CDYL: variants seen among roughly 807,000 people sequenced by gnomAD.
CDYL encodes chromodomain Y like.
CDYL carries 8 observed loss-of-function variants against 47.3 expected under a neutral mutation model. The observed-to-expected ratio is 0.17, with a 90% CI of 0.10 to 0.31. CDYL has a LOEUF of 0.31. Among genes scored for constraint, CDYL ranks in the 10% least tolerant of loss-of-function variants. The probability of loss-of-function intolerance (pLI) is 1.00; values close to 1 mark genes in which losing one functional copy is unlikely to be tolerated. For missense variants in CDYL, 471 were observed against 701.4 expected (o/e 0.67, Z 3.71); for synonymous variants, 266 against 265.0 (o/e 1.00, Z -0.04).
intron 1 of CDYL, among the ~76,000 whole-genome samples, chr6:4,707,839 T>C (rs1006171777): frequency 6.6e-6 from 1 of 152,236 alleles, no homozygotes; most frequent in African/African-American, 2.4e-5. Flanking sequence ...TTTAAGACTA[T>C]AAATTTGCCT....
Position 4,952,380 on chromosome 6 carries a change from A to G in CDYL, c.1447A>G (p.Ile483Val), listed in dbSNP as rs760000830. ...GTTCACTCAGGAAGTGATGGTTCGC[A>G]TTAAGGAGCTTGCCTCGTGCAATCC... The part of the protein sequence containing the change: ...GTFTQEVMVR[I>V]KELASCNPVV... The change falls in exon 6 of 7, where the codon ATT (isoleucine) becomes GTT (valine). Residue 483 changes from isoleucine to valine, a missense_variant. By Grantham distance (29) the Ile-to-Val change is conservative. This residue lies in a region of CDYL where 103 missense variants were observed against 277.1 expected (regional missense o/e 0.37). Coordinates refer to ENST00000397588, the MANE Select transcript of CDYL (RefSeq NM_004824.4). 4 of 1,614,164 alleles carry G rather than the reference A, an allele frequency of 2.5e-6. No homozygotes were observed. Among genetic ancestry groups the G allele is most frequent in the East Asian group, 4.5e-5 (2 of 44,888 alleles).
intron 3 of CDYL, among the ~76,000 whole-genome samples, chr6:4,764,821 A>G (rs1039435109): frequency 2.0e-5 from 3 of 152,124 alleles, no homozygotes; most frequent in African/African-American, 7.2e-5. Flanking sequence ...GAATATTTGA[A>G]CAACATAAAC....
At chr6:4,869,763 C>T (rs1417655752) in intron 1 of CDYL, among the ~76,000 whole-genome samples, 2 of 151,996 alleles carry the variant, frequency 1.3e-5, no homozygotes, top group African/African-American at 4.8e-5. Flanking sequence ...GTAATTTATT[C>T]ATATTTATTA....
chr6:4,954,979 G>C lies in CDYL; in HGVS notation c.*923G>C, dbSNP rs893350810. On this transcript the variant is annotated 3_prime_UTR_variant, in exon 7 of 7. Coordinates refer to ENST00000397588, the MANE Select transcript of CDYL (RefSeq NM_004824.4). Reference sequence around the variant, plus strand: ...TTTCACCAAAATAAAATATTTTTATGTTTATAAAGTGTAATTTTTAGGTTC... The same window carrying C: ...TTTCACCAAAATAAAATATTTTTATCTTTATAAAGTGTAATTTTTAGGTTC... 1 of 152,212 alleles carries C rather than the reference G, an allele frequency of 6.6e-6. No homozygotes were observed. The highest frequency in any genetic ancestry group is 1.5e-5 in the Non-Finnish European group (1 of 67,998). The allele number at this position is 152,212 out of a possible 1,614,324, so 9.4% of individuals were successfully genotyped here.
At chr6:4,849,164 C>T (rs1159250072) in intron 1 of CDYL, among the ~76,000 whole-genome samples, 2 of 152,110 alleles carry the variant, frequency 1.3e-5, no homozygotes, top group Non-Finnish European at 2.9e-5. Context: ...CTTAGTCCAT[C>T]GTTTCTCCTT....
intron 2 of CDYL, among the ~76,000 whole-genome samples, chr6:4,907,240 G>A (rs561868606): frequency 4.6e-5 from 7 of 152,218 alleles, no homozygotes; most frequent in African/African-American, 1.7e-4. Context: ...GAGATGGGGG[G>A]AAAACAGACC....
At chr6:4,806,110 T>C (rs1195921572) in intron 1 of CDYL, among the ~76,000 whole-genome samples, 4 of 152,244 alleles carry the variant, frequency 2.6e-5, no homozygotes, top group African/African-American at 9.6e-5. Flanking sequence ...CTGCCAGTGC[T>C]GGACAGAGTG....
At chr6:4,787,171 A>G (rs1758776910) in intron 1 of CDYL, among the ~76,000 whole-genome samples, 1 of 152,196 alleles carries the variant, frequency 6.6e-6, no homozygotes, top group Non-Finnish European at 1.5e-5. Context: ...TCATATGCAG[A>G]TGAGCTTTTG....
At chr6:4,861,026 G>A (rs754214605) in intron 1 of CDYL, among the ~76,000 whole-genome samples, 16 of 151,912 alleles carry the variant, frequency 1.1e-4, no homozygotes, top group Non-Finnish European at 2.4e-4. Context: ...TTGACATTCG[G>A]GATTAACCAT....
chr6:4,721,831 C>T (rs1014833418), intron 2 of CDYL, among the ~76,000 whole-genome samples: 8 of 151,910 alleles, frequency 5.3e-5, no homozygotes, highest in Admixed American at 3.9e-4. Context: ...TAGTTTCAGA[C>T]ACAGACTTTA....
At position 4,770,761 on chromosome 6, in the gene CDYL, A is replaced by G. The variant is rs954492636; in HGVS notation, c.186+35917A>G. On this transcript the variant is annotated intron_variant, in intron 3 of 8. Transcript: ENST00000328908. The stretch of plus-strand genomic sequence containing the variant: ...TAGTAGTTATGGAGAAGTAATGTGT[A>G]CTACAAAAAAGGAATCATTAAATCA... Among the ~76,000 whole-genome samples, 10 of 152,302 alleles carry G rather than the reference A, an allele frequency of 6.6e-5. No individual in the cohort carries two copies. The East Asian group carries it at 1.2e-3, about 18-fold the overall frequency.
At chr6:4,774,475 G>A (rs1758386490), upstream of CDYL, 1 of 152,280 alleles carries the variant, frequency 6.6e-6, no homozygotes, top group Non-Finnish European at 1.5e-5. Flanking sequence ...TTTGGAGGAG[G>A]GAGAGGGAAT....
intron 2 of CDYL, among the ~76,000 whole-genome samples, chr6:4,725,939 G>C (rs1403444900): frequency 2.6e-5 from 4 of 151,840 alleles, no homozygotes; most frequent in Non-Finnish European, 5.9e-5. Flanking sequence ...AAAAACAAAA[G>C]AGCAAATTAC....
chr6:4,889,725 C>T (rs1350950488), intron 1 of CDYL, among the ~76,000 whole-genome samples: 1 of 152,130 alleles, frequency 6.6e-6, no homozygotes, highest in African/African-American at 2.4e-5. Flanking sequence ...ACCAGATGAC[C>T]CATAAGCCTA....
intron 5 of CDYL, among the ~76,000 whole-genome samples, chr6:4,947,570 T>G (rs1214534517): frequency 1.3e-5 from 2 of 152,176 alleles, no homozygotes; most frequent in Admixed American, 1.3e-4. Context: ...CTGTGCCAGG[T>G]ACTGTGGCTT....
intron 2 of CDYL, among the ~76,000 whole-genome samples, chr6:4,917,297 G>A (rs763502099): frequency 7.9e-5 from 12 of 152,230 alleles, no homozygotes; most frequent in East Asian, 1.9e-4. Context: ...TTTTAATGGC[G>A]TTTCCATCCT....
chr6:4,727,396 A>G (rs903576721), intron 2 of CDYL, among the ~76,000 whole-genome samples: 2 of 152,178 alleles, frequency 1.3e-5, no homozygotes, highest in African/African-American at 2.4e-5. Flanking sequence ...CTGTCCATAC[A>G]TAGGGTGGAT....
At chr6:4,914,622 A>T (rs1458433568) in intron 2 of CDYL, among the ~76,000 whole-genome samples, 2 of 152,170 alleles carry the variant, frequency 1.3e-5, no homozygotes, top group Non-Finnish European at 2.9e-5. Context: ...TTGATAGTTT[A>T]TCCAGCTGTA....
At chr6:4,791,668 G>A (rs1168443124) in intron 1 of CDYL, among the ~76,000 whole-genome samples, 10 of 151,726 alleles carry the variant, frequency 6.6e-5, no homozygotes, top group Non-Finnish European at 1.5e-4. Flanking sequence ...TATAATTTAA[G>A]GGCCCTGTGC....
Sources: gnomAD v4.1 joint callset for allele counts (sites outside exome capture counted in the v4.1 genomes callset) on GRCh38, gnomAD v4.1.1 for gene constraint, gnomAD v4.1.1 regional missense constraint, MANE v1.5 for transcripts, NCBI Gene and HGNC (gene_info 2026-07-23, HGNC 2026-07-21) for gene names.